CSMD3: variants seen among roughly 807,000 people sequenced by gnomAD.
CSMD3 encodes CUB and sushi domain-containing protein 3.
In CSMD3, 177 loss-of-function variants were observed where a neutral mutation model predicts 435.2. That is an observed-to-expected ratio of 0.41 (90% CI 0.36 to 0.46). The LOEUF (loss-of-function observed/expected upper bound fraction) is 0.46. Ranked by LOEUF, CSMD3 falls within the 20% of genes least tolerant of loss-of-function variation. CSMD3 has a pLI of 0.34. For synonymous variants in CSMD3, 1,656 were observed against 1,520.5 expected (o/e 1.09, Z -2.07); for missense variants, 4,265 against 4,504.6 (o/e 0.95, Z 1.52).
intron 6 of CSMD3, among the ~76,000 whole-genome samples, chr8:112,978,473 C>T (rs2130948862): frequency 6.6e-6 from 1 of 151,994 alleles, no homozygotes; most frequent in Admixed American, 6.6e-5. Context: ...AACACAGTTC[C>T]AGACCAAATT....
chr8:113,237,063 T>C (rs903187045), intron 3 of CSMD3, among the ~76,000 whole-genome samples: 2 of 152,126 alleles, frequency 1.3e-5, no homozygotes, highest in Admixed American at 6.6e-5. Flanking sequence ...TGCTTGACAA[T>C]ATTCTGTGCA....
In CSMD3 at chr8:112,725,062, GC is replaced by G. The variant is rs1032137759; in HGVS notation, c.1973-35013del. Among the ~76,000 whole-genome samples the G allele has an allele frequency of 1.6e-4, 25 of 152,114 alleles. No individual in the cohort carries two copies. The Middle Eastern group carries it at 0.01, about 62-fold the overall frequency. On this transcript the variant is annotated intron_variant, in intron 13 of 70. Coordinates refer to ENST00000297405, the MANE Select transcript of CSMD3 (RefSeq NM_198123.2). ...TCTGGAAAGAGGAAAATCAAAGTTAGCAAAGATGAATAACTCTTTTGAGCAA... is the reference window on the plus strand; with the variant it reads ...TCTGGAAAGAGGAAAATCAAAGTTAGAAAGATGAATAACTCTTTTGAGCAA...
chr8:112,908,623 T>C (rs2082325601), intron 10 of CSMD3, among the ~76,000 whole-genome samples: 1 of 151,582 alleles, frequency 6.6e-6, no homozygotes, highest in Non-Finnish European at 1.5e-5. Flanking sequence ...TAGCCAGTAT[T>C]GTTATTACTT....
At chr8:113,190,034 T>A (rs932850386) in intron 3 of CSMD3, among the ~76,000 whole-genome samples, 1 of 148,798 alleles carries the variant, frequency 6.7e-6, no homozygotes, top group Admixed American at 6.7e-5. Flanking sequence ...AATTTATAAT[T>A]TTTTTTTATT....
intron 1 of CSMD3, among the ~76,000 whole-genome samples, chr8:113,340,969 T>C (rs1342412639): frequency 6.6e-6 from 1 of 152,140 alleles, no homozygotes; most frequent in Non-Finnish European, 1.5e-5. Context: ...TATTCTTCTT[T>C]ATTCTTTGTC....
At chr8:112,871,895 G>A (rs1273086004) in intron 10 of CSMD3, among the ~76,000 whole-genome samples, 3 of 151,916 alleles carry the variant, frequency 2.0e-5, no homozygotes, top group Non-Finnish European at 4.4e-5. Context: ...ACAAAAATAA[G>A]GATTTAAGTA....
chr8:112,935,398 A>C (rs2130733488), intron 9 of CSMD3, among the ~76,000 whole-genome samples: 1 of 152,124 alleles, frequency 6.6e-6, no homozygotes, highest in Admixed American at 6.6e-5. Flanking sequence ...CTTTCATGTG[A>C]ATTTTAAGGT....
intron 5 of CSMD3, among the ~76,000 whole-genome samples, chr8:113,081,323 A>G (rs1480766463): frequency 2.6e-5 from 4 of 152,130 alleles, no homozygotes; most frequent in African/African-American, 7.2e-5. Flanking sequence ...TTCTGGTGGT[A>G]GTTGACAAAT....
chr8:112,891,707 A>T (rs190117170), intron 10 of CSMD3, among the ~76,000 whole-genome samples: 1 of 151,712 alleles, frequency 6.6e-6, no homozygotes, highest in East Asian at 2.0e-4. Flanking sequence ...CAAAAATTTG[A>T]TGTACATGTA....
At chr8:112,574,932 A>G (rs950252140) in intron 23 of CSMD3, among the ~76,000 whole-genome samples, 2 of 151,982 alleles carry the variant, frequency 1.3e-5, no homozygotes, top group Non-Finnish European at 2.9e-5. Context: ...TTGCCATAGC[A>G]TAAATGTTCC....
At chr8:112,733,401 TTAAG>T (rs1220828982) in intron 13 of CSMD3, among the ~76,000 whole-genome samples, 1 of 151,820 alleles carries the variant, frequency 6.6e-6, no homozygotes, top group Non-Finnish European at 1.5e-5. Context: ...TAAATTAACA[TTAAG>T]TAAAGTCTTT....
At chr8:113,094,654 A>G (rs1042602480) in intron 5 of CSMD3, among the ~76,000 whole-genome samples, 7 of 152,236 alleles carry the variant, frequency 4.6e-5, no homozygotes, top group Non-Finnish European at 5.9e-5. Flanking sequence ...TCTATTGTAT[A>G]TTTCAAAGTA....
chr8:112,560,495 T>C (rs1416053993), intron 24 of CSMD3, among the ~76,000 whole-genome samples: 1 of 151,648 alleles, frequency 6.6e-6, no homozygotes, highest in Non-Finnish European at 1.5e-5. Flanking sequence ...AACTGAAAAA[T>C]AAAGTAATGC....
chr8:112,905,393 G>A (rs1371586107), intron 10 of CSMD3, among the ~76,000 whole-genome samples: 1 of 150,962 alleles, frequency 6.6e-6, no homozygotes, highest in Non-Finnish European at 1.5e-5. Flanking sequence ...ATTGTTAGGA[G>A]GCAATCCTCC....
chr8:113,052,594 C>T (rs544419161), intron 5 of CSMD3, among the ~76,000 whole-genome samples: 13 of 152,234 alleles, frequency 8.5e-5, no homozygotes, highest in East Asian at 3.9e-4. Flanking sequence ...GCCTGGACAA[C>T]GTAGCAAGAC....
At position 112,608,065 on chromosome 8, in the gene CSMD3, C is replaced by T. The variant is rs570959465; in HGVS notation, c.3716-20830G>A. On this transcript the variant is annotated intron_variant, in intron 22 of 70. Coordinates refer to ENST00000297405, the MANE Select transcript of CSMD3 (RefSeq NM_198123.2). ...TACATATAGAAAACTCTAAAGACTCCACCAACAAAACTGGTAGAACTAATA... is the reference window on the plus strand; with the variant it reads ...TACATATAGAAAACTCTAAAGACTCTACCAACAAAACTGGTAGAACTAATA... 4.9e-4 allele frequency among the ~76,000 whole-genome samples: 74 copies of T among 152,110 alleles called. 1 individual carries two copies. The highest frequency in any genetic ancestry group is 3.4e-3 in the Middle Eastern group (1 of 294).
At chr8:113,042,251 C>G (rs1236675138) in intron 5 of CSMD3, among the ~76,000 whole-genome samples, 2 of 151,986 alleles carry the variant, frequency 1.3e-5, no homozygotes, top group East Asian at 1.9e-4. Context: ...TTAACAGCAG[C>G]GATCATGGTT....
intron 4 of CSMD3, among the ~76,000 whole-genome samples, chr8:113,123,609 T>A (rs2091044765): frequency 6.6e-6 from 1 of 152,096 alleles, no homozygotes; most frequent in South Asian, 2.1e-4. Flanking sequence ...TTTCTAACTT[T>A]CACTTTTCTT....
chr8:113,067,698 G>T (rs2088920969), intron 5 of CSMD3, among the ~76,000 whole-genome samples: 1 of 152,004 alleles, frequency 6.6e-6, no homozygotes, highest in Non-Finnish European at 1.5e-5. Flanking sequence ...CTCAAAAATA[G>T]TGACTTATTT....
Sources: gnomAD v4.1 joint callset for allele counts (sites outside exome capture counted in the v4.1 genomes callset) on GRCh38, gnomAD v4.1.1 for gene constraint, MANE v1.5 for transcripts, NCBI Gene and HGNC (gene_info 2026-07-23, HGNC 2026-07-21) for gene names.